The following TULP4 variants were observed in gnomAD, a reference collection of about 807,000 sequenced individuals.
TULP4 encodes tubby-related protein 4.
TULP4 carries 16 observed loss-of-function variants against 129.0 expected under a neutral mutation model. The ratio of observed to expected loss-of-function variants is 0.12; its 90% confidence interval spans 0.08 to 0.19. The LOEUF is 0.19. TULP4 is among the 10% of genes least tolerant of loss of function. TULP4 has a pLI of 1.00. For missense variants in TULP4, 1,842 were observed against 2,059.1 expected, an observed-to-expected ratio of 0.89 and a Z score of 2.04; for synonymous variants, 998 against 854.0, an observed-to-expected ratio of 1.17 and a Z score of -2.94.
At chr6:158,233,629 T>C (rs1265798077) in intron 1 of TULP4, among the ~76,000 whole-genome samples, 1 of 152,212 alleles carries the variant, frequency 6.6e-6, no homozygotes, top group African/African-American at 2.4e-5. Flanking sequence ...ATAGCCACAC[T>C]GCAATCCAGA....
chr6:158,430,540 C>T (rs1778605723), intron 3 of TULP4, among the ~76,000 whole-genome samples: 3 of 151,974 alleles, frequency 2.0e-5, no homozygotes, highest in Non-Finnish European at 2.9e-5. Context: ...GTCAGGATTT[C>T]GAGACCAGCC....
chr6:158,330,674 C>G (rs1156296443), intron 1 of TULP4, among the ~76,000 whole-genome samples: 1 of 152,182 alleles, frequency 6.6e-6, no homozygotes, highest in Admixed American at 6.5e-5. Flanking sequence ...TTAAATTATT[C>G]TCCATACTCC....
intron 3 of TULP4, among the ~76,000 whole-genome samples, chr6:158,445,479 T>G (rs866614145): frequency 3.3e-5 from 5 of 152,162 alleles, no homozygotes; most frequent in Admixed American, 6.6e-5. Context: ...TTATATTCAT[T>G]GAGTCACTGA....
upstream of TULP4, chr6:158,232,215 G>C (rs1212112816): frequency 4.0e-5 from 6 of 149,016 alleles, no homozygotes; most frequent in East Asian, 1.2e-3. Flanking sequence ...CCGAGACGCG[G>C]GGGGAGGCGG....
At chr6:158,349,190 GCGCTCCT>G (rs1780414366) in intron 1 of TULP4, among the ~76,000 whole-genome samples, 1 of 147,518 alleles carries the variant, frequency 6.8e-6, no homozygotes, top group Non-Finnish European at 1.5e-5. Flanking sequence ...CCCGGCAGAG[GCGCTCCT>G]CACCTCTCAG....
chr6:158,349,089 C>A (rs369874358), intron 1 of TULP4, among the ~76,000 whole-genome samples: 158 of 113,090 alleles, frequency 1.4e-3, no homozygotes, highest in East Asian at 9.5e-3. Context: ...CTCCTCACTT[C>A]CCAGATGGGG....
chr6:158,309,335 C>T (rs1447708575), upstream of TULP4, among the ~76,000 whole-genome samples: 5 of 144,718 alleles, frequency 3.5e-5, no homozygotes, highest in Non-Finnish European at 4.6e-5. Flanking sequence ...AGACCATGGG[C>T]AGCCGGGCAG....
chr6:158,404,227 C>T (rs1160610541), intron 1 of TULP4, among the ~76,000 whole-genome samples: 1 of 152,174 alleles, frequency 6.6e-6, no homozygotes, highest in Non-Finnish European at 1.5e-5. Context: ...TTCTTCCTAG[C>T]AGCATCTCCT....
At chr6:158,244,653 G>T (rs1777992811) in intron 1 of TULP4, among the ~76,000 whole-genome samples, 1 of 152,046 alleles carries the variant, frequency 6.6e-6, no homozygotes. Flanking sequence ...CTACCTTGCT[G>T]GTACCTTGAT....
At chr6:158,463,470 G>C (rs1253007114) in intron 6 of TULP4, among the ~76,000 whole-genome samples, 1 of 151,792 alleles carries the variant, frequency 6.6e-6, no homozygotes, top group African/African-American at 2.4e-5. Flanking sequence ...CCTAGGAAGG[G>C]GAACATCACA....
chr6:158,350,403 C>T lies in TULP4; in HGVS notation c.252+36135C>T, dbSNP rs369475214. Among the ~76,000 whole-genome samples the T allele has an allele frequency of 2.4e-3, 358 of 152,278 alleles. 1 individual carries two copies. The highest frequency in any genetic ancestry group is 8.4e-3 in the African/African-American group (349 of 41,566). On this transcript the variant is annotated intron_variant, in intron 1 of 13. Transcript: ENST00000367097. ...CTGGGAGGGGGAGGTTGTAGCAAGC[C>T]GAGATCACGCCACTGCACTCCAGCC...
chr6:158,312,029 A>C (rs950381493), upstream of TULP4: 1 of 312,152 alleles, frequency 3.2e-6, no homozygotes, highest in Non-Finnish European at 5.2e-6. Flanking sequence ...TAAATTTTAT[A>C]TCTTTTTTTT....
chr6:158,502,596 C>G lies in TULP4; in HGVS notation c.2933C>G (p.Ser978Cys). 6.2e-7 allele frequency: 1 copy of G among 1,601,254 alleles called. No individual in the cohort carries two copies. Among genetic ancestry groups the G allele is most frequent in the Non-Finnish European group, 8.5e-7 (1 of 1,179,688 alleles). ...LAQGRGAAQR[S>C]DNSLIHATLR... ...CAGGGGCGGGGGGCTGCCCAGAGGT[C>G]CGACAATAGCCTCATCCACGCTACC... Residue 978 changes from serine (S) to cysteine (C), a missense_variant, in exon 13 of 14, where the codon TCC (serine) becomes TGC (cysteine). Physicochemically the swap from Ser to Cys is moderately radical, Grantham distance 112. Coordinates refer to ENST00000367097, the MANE Select transcript of TULP4 (RefSeq NM_020245.5).
upstream of TULP4, among the ~76,000 whole-genome samples, chr6:158,279,079 A>ACC (rs1554276356): frequency 1.8e-3 from 12 of 6,650 alleles, no homozygotes; most frequent in Non-Finnish European, 2.1e-3. Context: ...AGCTGGGACT[A>ACC]GGCGCCTGCC....
rs1186954861 is a variant in TULP4, at chr6:158,455,320, C to T, written c.859+3052C>T. Among the ~76,000 whole-genome samples, 3 of 24,070 alleles carry T rather than the reference C, an allele frequency of 1.2e-4. 1 individual carries two copies. The highest frequency in any genetic ancestry group is 5.7e-4 in the East Asian group (1 of 1,768). The allele number at this position is 24,070 out of a possible 152,430, so 15.8% of individuals were successfully genotyped here. ...CGATCTCCTGACCTCGTGATCCACC[C>T]GCCTCGGCCTCCCAAAGTGCTGGGA... On this transcript the variant is annotated intron_variant, in intron 5 of 13. Transcript: ENST00000367097.
chr6:158,454,023 C>CCCT (rs1562572966), intron 5 of TULP4, among the ~76,000 whole-genome samples: 22 of 147,024 alleles, frequency 1.5e-4, no homozygotes, highest in Admixed American at 5.4e-4. Context: ...TCTGCACCGC[C>CCCT]CCCCCCCAAG....
chr6:158,315,601 C>T (rs1469951363), intron 1 of TULP4, among the ~76,000 whole-genome samples: 1 of 152,218 alleles, frequency 6.6e-6, no homozygotes, highest in Non-Finnish European at 1.5e-5. Context: ...GTACTTGGTG[C>T]TCCTTCCCAG....
At chr6:158,383,424 C>G (rs1451300021) in intron 1 of TULP4, among the ~76,000 whole-genome samples, 1 of 152,086 alleles carries the variant, frequency 6.6e-6, no homozygotes, top group Non-Finnish European at 1.5e-5. Flanking sequence ...GTGGCACACA[C>G]AACAATTAGT....
intron 1 of TULP4, among the ~76,000 whole-genome samples, chr6:158,252,391 T>C (rs564081292): frequency 1.3e-5 from 2 of 152,150 alleles, no homozygotes; most frequent in Non-Finnish European, 2.9e-5. Context: ...TTATTTACTT[T>C]TTTAGGTGGA....
Sources: gnomAD v4.1 joint callset for allele counts (sites outside exome capture counted in the v4.1 genomes callset) on GRCh38, gnomAD v4.1.1 for gene constraint, MANE v1.5 for transcripts, NCBI Gene and HGNC (gene_info 2026-07-23, HGNC 2026-07-21) for gene names.